The following KCNIP4 variants were observed in gnomAD, a reference collection of about 807,000 sequenced individuals.
KCNIP4 encodes Kv channel-interacting protein 4.
Under a neutral mutation model 34.0 loss-of-function variants are expected in KCNIP4, and 12 were observed. The observed-to-expected ratio is 0.35, with a 90% confidence interval of 0.23 to 0.57. KCNIP4 has a LOEUF of 0.57. KCNIP4 is among the 20% of genes least tolerant of loss of function. The pLI is 0.83. For missense variants in KCNIP4, 238 were observed against 311.7 expected (o/e 0.76, Z 1.78); for synonymous variants, 124 against 102.2 (o/e 1.21, Z -1.29).
chr4:21,207,811 A>G (rs1162645895), intron 1 of KCNIP4, among the ~76,000 whole-genome samples: 1 of 130,004 alleles, frequency 7.7e-6, no homozygotes, highest in Non-Finnish European at 1.7e-5. Context: ...TTTCTTTTTC[A>G]TTTTCTTTTT....
intron 1 of KCNIP4, among the ~76,000 whole-genome samples, chr4:21,798,385 CCA>C (rs201230331): frequency 0.014 from 1,295 of 93,290 alleles, 22 homozygotes; most frequent in African/African-American, 0.044. Flanking sequence ...AACCCCGTTT[CCA>C]CACACACAAA....
chr4:20,975,370 A>G (rs915199872), intron 1 of KCNIP4, among the ~76,000 whole-genome samples: 6 of 152,212 alleles, frequency 3.9e-5, no homozygotes, highest in Non-Finnish European at 7.3e-5. Flanking sequence ...TTGCAAACTC[A>G]ATAAAAAGAG....
At chr4:21,928,243 A>G (rs998819494) in intron 1 of KCNIP4, among the ~76,000 whole-genome samples, 2 of 151,988 alleles carry the variant, frequency 1.3e-5, no homozygotes, top group African/African-American at 4.8e-5. Flanking sequence ...AGCAAGACCT[A>G]ATTCCCTGAG....
At chr4:21,270,769 T>C (rs949019105) in intron 1 of KCNIP4, among the ~76,000 whole-genome samples, 28 of 152,040 alleles carry the variant, frequency 1.8e-4, no homozygotes, top group Admixed American at 3.3e-4. Context: ...GGCAGATCAC[T>C]TGAGGCCAGG....
intron 1 of KCNIP4, among the ~76,000 whole-genome samples, chr4:21,471,078 C>G (rs1180049117): frequency 6.6e-6 from 1 of 151,794 alleles, no homozygotes; most frequent in African/African-American, 2.4e-5. Context: ...GTCTAGAAAT[C>G]TCTGTTTTAA....
At chr4:20,928,196 A>C (rs1484857325) in intron 1 of KCNIP4, among the ~76,000 whole-genome samples, 1 of 151,700 alleles carries the variant, frequency 6.6e-6, no homozygotes, top group East Asian at 1.9e-4. Flanking sequence ...TATTGGGACT[A>C]TTCATTGATC....
At chr4:21,537,817 T>C (rs1458912031) in intron 1 of KCNIP4, among the ~76,000 whole-genome samples, 1 of 151,696 alleles carries the variant, frequency 6.6e-6, no homozygotes, top group Non-Finnish European at 1.5e-5. Flanking sequence ...ATCGAGACCA[T>C]CCTGGTCAAC....
chr4:21,638,352 C>G (rs1746373643), intron 1 of KCNIP4, among the ~76,000 whole-genome samples: 1 of 152,116 alleles, frequency 6.6e-6, no homozygotes, highest in South Asian at 2.1e-4. Flanking sequence ...AATGCACAGT[C>G]TAGGTTCAAA....
At chr4:20,768,489 C>T (rs1166387145) in intron 3 of KCNIP4, among the ~76,000 whole-genome samples, 7 of 152,142 alleles carry the variant, frequency 4.6e-5, no homozygotes, top group African/African-American at 1.7e-4. Flanking sequence ...ATAGGATTAA[C>T]CTTTCAGTTT....
At chr4:20,822,513 G>A (rs150499625) in intron 3 of KCNIP4, among the ~76,000 whole-genome samples, 177 of 152,242 alleles carry the variant, frequency 1.2e-3, no homozygotes, top group African/African-American at 2.4e-4. Context: ...AAAACAATAC[G>A]AAGATTCCTT....
intron 1 of KCNIP4, among the ~76,000 whole-genome samples, chr4:21,400,174 A>T (rs1238931712): frequency 1.3e-5 from 2 of 152,172 alleles, no homozygotes; most frequent in Admixed American, 1.3e-4. Flanking sequence ...AATTCATTGT[A>T]TTCCATTAGG....
chr4:21,507,501 C>T (rs1733948619), intron 1 of KCNIP4, among the ~76,000 whole-genome samples: 1 of 152,076 alleles, frequency 6.6e-6, no homozygotes, highest in Non-Finnish European at 1.5e-5. Flanking sequence ...AGACAATCTG[C>T]CCGCTTAGGT....
chr4:21,636,056 A>G (rs111589104), intron 1 of KCNIP4, among the ~76,000 whole-genome samples: 20,299 of 148,016 alleles, frequency 0.14, 1,570 homozygotes, highest in African/African-American at 0.21. Context: ...ACCAAACACC[A>G]CATATTCTCA....
At chr4:21,566,159 C>T (rs535866507) in intron 1 of KCNIP4, among the ~76,000 whole-genome samples, 16 of 152,192 alleles carry the variant, frequency 1.1e-4, no homozygotes, top group African/African-American at 3.6e-4. Context: ...AGAGACAGGG[C>T]GGAGCCGAAA....
chr4:21,835,327 C>CAA (rs1318362720), intron 1 of KCNIP4, among the ~76,000 whole-genome samples: 1 of 151,884 alleles, frequency 6.6e-6, no homozygotes, highest in Non-Finnish European at 1.5e-5. Flanking sequence ...AAACAAATAA[C>CAA]ATAATAGAAA....
intron 6 of KCNIP4, 84 bp from the exon 7 acceptor site, chr4:20,732,869 C>A: frequency 1.2e-6 from 1 of 826,572 alleles, no homozygotes; most frequent in South Asian, 1.7e-5. Context: ...TTTTCCTACT[C>A]AATTTTAAAT....
At chr4:21,712,030 G>A (rs943564247) in intron 1 of KCNIP4, among the ~76,000 whole-genome samples, 4 of 152,082 alleles carry the variant, frequency 2.6e-5, no homozygotes, top group African/African-American at 9.6e-5. Flanking sequence ...AAAGCATTGT[G>A]GAACATCAAA....
chr4:21,736,856 A>C (rs1484619984), intron 1 of KCNIP4, among the ~76,000 whole-genome samples: 1 of 152,204 alleles, frequency 6.6e-6, no homozygotes, highest in Non-Finnish European at 1.5e-5. Flanking sequence ...ATGAGTGACT[A>C]ATCTTTGATT....
intron 1 of KCNIP4, among the ~76,000 whole-genome samples, chr4:21,864,504 C>T (rs937178566): frequency 2.6e-5 from 4 of 152,164 alleles, no homozygotes; most frequent in African/African-American, 9.7e-5. Flanking sequence ...TTGTGTGACT[C>T]ATCAAAACTG....
Sources: allele counts gnomAD v4.1 joint callset (sites outside exome capture counted in the v4.1 genomes callset), GRCh38; gene constraint gnomAD v4.1.1; transcripts MANE v1.5; gene names NCBI Gene and HGNC (gene_info 2026-07-23, HGNC 2026-07-21).